Variants in ARHGEF3 observed in about 807,000 individuals in gnomAD.
ARHGEF3 encodes the protein Rho guanine nucleotide exchange factor 3, also known as 59.8 kDA protein.
A neutral mutation model predicts 63.2 loss-of-function variants in ARHGEF3; 28 were observed. That is an observed-to-expected ratio of 0.44 (90% CI 0.33 to 0.61). The LOEUF (loss-of-function observed/expected upper bound fraction) is 0.61. ARHGEF3 is among the 20% of genes least tolerant of loss of function. The pLI is 0.03. For missense variants in ARHGEF3, 533 were observed against 659.3 expected, an observed-to-expected ratio of 0.81 and a Z score of 2.10; for synonymous variants, 266 against 254.2, an observed-to-expected ratio of 1.05 and a Z score of -0.44.
chr3:57,049,288 G>T (rs1164431309), intron 1 of ARHGEF3, among the ~76,000 whole-genome samples: 4 of 152,188 alleles, frequency 2.6e-5, no homozygotes, highest in Non-Finnish European at 4.4e-5. Context: ...AGGACTGCTT[G>T]AACCCAGGAG....
chr3:57,039,269 G>C (rs1268822785), intron 1 of ARHGEF3, among the ~76,000 whole-genome samples: 3 of 152,152 alleles, frequency 2.0e-5, no homozygotes, highest in African/African-American at 7.2e-5. Flanking sequence ...AGAAGGTCCT[G>C]CTAATTCTTC....
At chr3:56,736,188 T>G (rs1327595704) in intron 8 of ARHGEF3, among the ~76,000 whole-genome samples, 1 of 152,186 alleles carries the variant, frequency 6.6e-6, no homozygotes, top group Non-Finnish European at 1.5e-5. Flanking sequence ...AAGCATTCAT[T>G]CATTGAGTAC....
chr3:56,964,350 CAA>C (rs11347724), intron 2 of ARHGEF3, among the ~76,000 whole-genome samples: 16,462 of 101,092 alleles, frequency 0.16, 1,001 homozygotes, highest in East Asian at 0.29. Context: ...AAGACTGTCT[CAA>C]AAAAAAAAAA....
At position 56,856,503 on chromosome 3, in the gene ARHGEF3, T is replaced by C. The variant is rs75897492; in HGVS notation, c.192+25789A>G. 1.0e-3 allele frequency among the ~76,000 whole-genome samples: 156 copies of C among 152,190 alleles called. 1 individual carries two copies. Among genetic ancestry groups the C allele is most frequent in the Non-Finnish European group, 1.1e-3 (78 of 68,006 alleles). The stretch of plus-strand genomic sequence containing the variant: ...ACCGGTAATTCATGAATACAGATCC[T>C]CTTTACAGATATGGCTTGATTCTCC... On this transcript the variant is annotated intron_variant, in intron 4 of 12. Transcript: ENST00000338458.
chr3:57,067,020 C>G (rs1343172717), intron 1 of ARHGEF3, among the ~76,000 whole-genome samples: 1 of 152,154 alleles, frequency 6.6e-6, no homozygotes, highest in Non-Finnish European at 1.5e-5. Context: ...TCTCCAAACC[C>G]TAATACACAC....
At chr3:56,840,661 A>T (rs1242739580) in intron 4 of ARHGEF3, among the ~76,000 whole-genome samples, 1 of 152,116 alleles carries the variant, frequency 6.6e-6, no homozygotes, top group Non-Finnish European at 1.5e-5. Flanking sequence ...GTTTCTGGGG[A>T]CCTCTTCTCT....
At chr3:56,795,841 C>T (rs113813348) in intron 1 of ARHGEF3, among the ~76,000 whole-genome samples, 91 of 151,920 alleles carry the variant, frequency 6.0e-4, no homozygotes, top group African/African-American at 2.1e-3. Flanking sequence ...GGGGTTTCAC[C>T]GTTGGTCAGG....
intron 1 of ARHGEF3, among the ~76,000 whole-genome samples, chr3:57,055,163 CTTT>C (rs71623876): frequency 3.7e-5 from 5 of 135,266 alleles, no homozygotes; most frequent in Non-Finnish European, 4.8e-5. Context: ...TCTCTTTATG[CTTT>C]TTTTTTTTTT....
chr3:56,757,759 G>A (rs1183405331), intron 2 of ARHGEF3, among the ~76,000 whole-genome samples: 1 of 150,152 alleles, frequency 6.7e-6, no homozygotes, highest in Non-Finnish European at 1.5e-5. Context: ...GTCTTGCTCT[G>A]TCGCCCAGGC....
At chr3:56,779,941 C>A (rs534444635) in intron 1 of ARHGEF3, among the ~76,000 whole-genome samples, 51 of 152,318 alleles carry the variant, frequency 3.3e-4, no homozygotes, top group African/African-American at 1.2e-3. Context: ...AGGGAACTTA[C>A]AATCTGTGCA....
chr3:56,994,077 A>AAAAAAAAAAAAAAAAAAAAAAAAAAAAC (rs1701879513), intron 2 of ARHGEF3, among the ~76,000 whole-genome samples: 3 of 135,716 alleles, frequency 2.2e-5, no homozygotes, highest in African/African-American at 2.6e-5. Flanking sequence ...AAAAAAAAAA[A>AAAAAAAAAAAAAAAAAAAAAAAAAAAAC]AAAAAAAAGC....
At chr3:57,071,951 T>C (rs922517033) in intron 1 of ARHGEF3, among the ~76,000 whole-genome samples, 3 of 152,090 alleles carry the variant, frequency 2.0e-5, no homozygotes, top group African/African-American at 7.2e-5. Context: ...AATTTAAAAA[T>C]AGATAAAAGA....
At chr3:56,799,348 C>A (rs2037526755) in intron 1 of ARHGEF3, among the ~76,000 whole-genome samples, 1 of 152,170 alleles carries the variant, frequency 6.6e-6, no homozygotes, top group Non-Finnish European at 1.5e-5. Context: ...AAGGAACAGC[C>A]ATTACACACG....
intron 2 of ARHGEF3, among the ~76,000 whole-genome samples, chr3:57,028,692 TA>T (rs61646211): frequency 0.41 from 57,411 of 139,578 alleles, 11,976 homozygotes; most frequent in Non-Finnish European, 0.48. Flanking sequence ...TAAAGTATAA[TA>T]AAAAAAAAAT....
chr3:56,988,914 G>T (rs1291602163), intron 2 of ARHGEF3, among the ~76,000 whole-genome samples: 1 of 152,176 alleles, frequency 6.6e-6, no homozygotes, highest in Non-Finnish European at 1.5e-5. Context: ...GCAGATGCGG[G>T]TGTTAAAATA....
chr3:57,053,667 T>C (rs1238695638), intron 1 of ARHGEF3, among the ~76,000 whole-genome samples: 2 of 152,210 alleles, frequency 1.3e-5, no homozygotes, highest in Non-Finnish European at 2.9e-5. Context: ...TCCCAAGTAA[T>C]TGCCTACCCC....
chr3:56,747,282 C>T (rs1486774483), intron 6 of ARHGEF3, among the ~76,000 whole-genome samples: 1 of 152,170 alleles, frequency 6.6e-6, no homozygotes, highest in Non-Finnish European at 1.5e-5. Context: ...GAACCTCGAC[C>T]ACACTGCTGC....
intron 1 of ARHGEF3, among the ~76,000 whole-genome samples, chr3:56,786,041 A>G (rs747181063): frequency 2.0e-5 from 3 of 152,202 alleles, no homozygotes; most frequent in African/African-American, 7.2e-5. Context: ...TGTCCCTTCT[A>G]GCACAAATTA....
chr3:57,069,745 A>T (rs1370947591), intron 1 of ARHGEF3, among the ~76,000 whole-genome samples: 1 of 152,214 alleles, frequency 6.6e-6, no homozygotes, highest in African/African-American at 2.4e-5. Flanking sequence ...ACGGGGCTCA[A>T]GCTATCCTCC....
Sources: gnomAD v4.1 joint callset for allele counts (sites outside exome capture counted in the v4.1 genomes callset) on GRCh38, gnomAD v4.1.1 for gene constraint, MANE v1.5 for transcripts, NCBI Gene and HGNC (gene_info 2026-07-23, HGNC 2026-07-21) for gene names.